EYS: variants seen among roughly 807,000 people sequenced by gnomAD.
EYS encodes protein eyes shut homolog.
Under a neutral mutation model 282.1 loss-of-function variants are expected in EYS, and 250 were observed. The ratio of observed to expected loss-of-function variants is 0.89; its 90% CI spans 0.80 to 0.98. The LOEUF is 0.98. Among genes scored for constraint, EYS ranks in the 50% least tolerant of loss-of-function variants. The pLI is 0.00. For synonymous variants in EYS, 1,355 were observed against 1,282.9 expected, an observed-to-expected ratio of 1.06 and a Z score of -1.20; for missense variants, 4,016 against 3,709.0, an observed-to-expected ratio of 1.08 and a Z score of -2.15.
At chr6:65,290,546 A>ATTTAAAAAT (rs1452089115) in intron 12 of EYS, among the ~76,000 whole-genome samples, 9 of 151,246 alleles carry the variant, frequency 6.0e-5, no homozygotes, top group Non-Finnish European at 1.3e-4. Flanking sequence ...TTCTTAGCAA[A>ATTTAAAAAT]TCCTAAGGAA....
chr6:63,879,870 A>T (rs1368296943), intron 35 of EYS, among the ~76,000 whole-genome samples: 1 of 152,216 alleles, frequency 6.6e-6, no homozygotes, highest in Non-Finnish European at 1.5e-5. Context: ...AACAGGGACT[A>T]TCCCAGCTAA....
At chr6:65,132,857 A>T in intron 12 of EYS, among the ~76,000 whole-genome samples, 1 of 152,022 alleles carries the variant, frequency 6.6e-6, no homozygotes, top group East Asian at 1.9e-4. Context: ...AAACAACCTC[A>T]GTGAAGATTT....
chr6:65,154,375 C>T (rs1764685371), intron 12 of EYS, among the ~76,000 whole-genome samples: 1 of 151,298 alleles, frequency 6.6e-6, no homozygotes. Context: ...GGATGATATA[C>T]TGAAAAATAG....
chr6:65,484,222 T>C (rs1463345275), intron 5 of EYS, among the ~76,000 whole-genome samples: 1 of 152,138 alleles, frequency 6.6e-6, no homozygotes, highest in Non-Finnish European at 1.5e-5. Flanking sequence ...TTTATGCTCA[T>C]GGGGTAGAAG....
chr6:65,599,907 A>G (rs1765556345), intron 2 of EYS, among the ~76,000 whole-genome samples: 1 of 151,984 alleles, frequency 6.6e-6, no homozygotes, highest in Non-Finnish European at 1.5e-5. Flanking sequence ...GTTTCCAAAG[A>G]ATTGGTTATG....
At chr6:65,450,979 T>C (rs1335390646) in intron 5 of EYS, among the ~76,000 whole-genome samples, 1 of 152,188 alleles carries the variant, frequency 6.6e-6, no homozygotes, top group East Asian at 1.9e-4. Context: ...GGGTCAGAGA[T>C]ACTGCTGTAT....
At chr6:64,235,539 G>A (rs1305746719) in intron 30 of EYS, among the ~76,000 whole-genome samples, 1 of 152,170 alleles carries the variant, frequency 6.6e-6, no homozygotes, top group African/African-American at 2.4e-5. Flanking sequence ...GAATAGTGCT[G>A]CAAAAAATAT....
At chr6:64,066,549 CAAT>C in intron 32 of EYS, 58 bp from the exon 33 acceptor site, 1 of 1,210,752 alleles carries the variant, frequency 8.3e-7, no homozygotes, top group Non-Finnish European at 1.2e-6. Flanking sequence ...TATTGGTTAA[CAAT>C]AATTAAACAC....
At chr6:64,648,112 G>A (rs1363006478) in intron 22 of EYS, among the ~76,000 whole-genome samples, 3 of 152,106 alleles carry the variant, frequency 2.0e-5, no homozygotes, top group Non-Finnish European at 2.9e-5. Context: ...CAGCTAGGTG[G>A]TGTGTTCTCT....
intron 21 of EYS, among the ~76,000 whole-genome samples, chr6:64,818,857 T>C (rs1156924481): frequency 6.6e-6 from 1 of 152,108 alleles, no homozygotes; most frequent in Non-Finnish European, 1.5e-5. Flanking sequence ...TTGGCAATAC[T>C]CTCACAGACA....
At chr6:65,677,433 T>G (rs1217246072) in intron 1 of EYS, among the ~76,000 whole-genome samples, 1 of 151,772 alleles carries the variant, frequency 6.6e-6, no homozygotes, top group Admixed American at 6.6e-5. Flanking sequence ...AAAGAACAAT[T>G]TTGAAAAATA....
chr6:64,616,819 C>A (rs538465170), intron 24 of EYS, among the ~76,000 whole-genome samples: 8 of 152,232 alleles, frequency 5.3e-5, no homozygotes, highest in African/African-American at 1.7e-4. Flanking sequence ...TATAAATATA[C>A]ATTTAAAATT....
chr6:63,841,830 A>G (rs899326783), intron 36 of EYS, among the ~76,000 whole-genome samples: 1 of 151,614 alleles, frequency 6.6e-6, no homozygotes, highest in African/African-American at 2.4e-5. Flanking sequence ...TCATTGTTCA[A>G]CTCCCACTTA....
intron 2 of EYS, among the ~76,000 whole-genome samples, chr6:65,615,701 A>G (rs1035440149): frequency 2.6e-5 from 4 of 151,936 alleles, no homozygotes; most frequent in Admixed American, 1.3e-4. Flanking sequence ...TTGGGAGGCC[A>G]AGGCGGGCAG....
chr6:65,197,335 A>G (rs1337736447), intron 12 of EYS, among the ~76,000 whole-genome samples: 1 of 152,094 alleles, frequency 6.6e-6, no homozygotes, highest in African/African-American at 2.4e-5. Context: ...TTAAGGATCT[A>G]ATAAAGACTT....
At chr6:65,167,052 A>C (rs1764989907) in intron 12 of EYS, among the ~76,000 whole-genome samples, 1 of 151,248 alleles carries the variant, frequency 6.6e-6, no homozygotes, top group African/African-American at 2.4e-5. Flanking sequence ...AACTGTTGGT[A>C]AAATGTGGAG....
chr6:65,263,803 A>G (rs1767681102), intron 12 of EYS, among the ~76,000 whole-genome samples: 1 of 151,880 alleles, frequency 6.6e-6, no homozygotes, highest in Admixed American at 6.6e-5. Flanking sequence ...TGATAGGCAG[A>G]GGCAGGACGG....
intron 30 of EYS, among the ~76,000 whole-genome samples, chr6:64,290,351 A>G (rs1768657754): frequency 6.6e-6 from 1 of 152,104 alleles, no homozygotes; most frequent in African/African-American, 2.4e-5. Context: ...AGAAGAAAAA[A>G]CAGGTCAGAA....
intron 29 of EYS, among the ~76,000 whole-genome samples, chr6:64,339,090 C>A (rs1770986107): frequency 6.6e-6 from 1 of 151,920 alleles, no homozygotes; most frequent in South Asian, 2.1e-4. Context: ...AATTTCATGA[C>A]CAAGTACCCA....
Sources: allele counts gnomAD v4.1 joint callset (sites outside exome capture counted in the v4.1 genomes callset), GRCh38; gene constraint gnomAD v4.1.1; transcripts MANE v1.5; gene names NCBI Gene and HGNC (gene_info 2026-07-23, HGNC 2026-07-21).